The following SEC16A variants were observed in gnomAD, a reference collection of about 807,000 sequenced individuals.
SEC16A encodes the protein protein transport protein Sec16A.
A neutral mutation model predicts 221.9 loss-of-function variants in SEC16A; 110 were observed. The ratio of observed to expected loss-of-function variants is 0.50; its 90% CI spans 0.42 to 0.58. The LOEUF (loss-of-function observed/expected upper bound fraction) is 0.58, where lower values mean the gene tolerates loss of function less well. Ranked by LOEUF, SEC16A falls within the 20% of genes least tolerant of loss-of-function variation. The pLI is 0.00. For synonymous variants in SEC16A, 1,393 were observed against 1,257.7 expected, an observed-to-expected ratio of 1.11 and a Z score of -2.28; for missense variants, 3,165 against 3,097.8, an observed-to-expected ratio of 1.02 and a Z score of -0.52.
chr9:136,464,566 C>T lies in SEC16A; in HGVS notation c.4304-4G>A. 3.8e-6 allele frequency: 6 copies of T among 1,590,060 alleles called. No homozygotes were observed. The highest frequency in any genetic ancestry group is 5.2e-6 in the Non-Finnish European group (6 of 1,162,144). On this transcript the variant is annotated splice_polypyrimidine_tract_variant and splice_region_variant and intron_variant, in intron 8 of 31. Transcript: ENST00000684901. ...GGAGAAGTTGGTCTTGATGAAACTG[C>T]ATTTAAAATAAATTGAAAAAGAAAC...
At chr9:136,454,870 C>T (rs1244653055) in intron 20 of SEC16A, among the ~76,000 whole-genome samples, 3 of 152,196 alleles carry the variant, frequency 2.0e-5, no homozygotes, top group Non-Finnish European at 4.4e-5. Context: ...TGTCTGAGGA[C>T]GAAGCAGACT....
chr9:136,473,139 G>A (rs1194434316), intron 3 of SEC16A, among the ~76,000 whole-genome samples: 2 of 152,260 alleles, frequency 1.3e-5, no homozygotes, highest in Non-Finnish European at 2.9e-5. Context: ...ATTCCCCGGG[G>A]CAGTACCCAG....
intron 31 of SEC16A, among the ~76,000 whole-genome samples, chr9:136,442,421 G>C (rs1836318893): frequency 6.6e-6 from 1 of 152,254 alleles, no homozygotes. Flanking sequence ...AGGAGTGCTG[G>C]GCCCCAGCCC....
chr9:136,461,790 G>C (rs1211239890), intron 12 of SEC16A, among the ~76,000 whole-genome samples: 1 of 152,170 alleles, frequency 6.6e-6, no homozygotes, highest in African/African-American at 2.4e-5. Flanking sequence ...ACTTCAATCA[G>C]TTATAAAACA....
chr9:136,459,651 C>A lies in SEC16A; in HGVS notation c.5192-96G>T. 7.3e-7 allele frequency: 1 copy of A among 1,360,588 alleles called. No homozygotes were observed. Among genetic ancestry groups the A allele is most frequent in the Non-Finnish European group, 1.0e-6 (1 of 979,920 alleles). The allele number at this position is 1,360,588 out of a possible 1,614,324, so 84.3% of individuals were successfully genotyped here. A position where few individuals can be genotyped will look rare whatever the true frequency, so the allele number is the denominator to read the frequency against. On this transcript the variant is annotated intron_variant, in intron 15 of 31. Coordinates refer to ENST00000684901, the MANE Select transcript of SEC16A (RefSeq NM_014866.2). This position sits in a 1 kb window ranked among gnomAD's most constrained non-coding sequence, Gnocchi z 6.1. ...CACAGAAGGCACCAGAGACGCCAGCCGGACCGAGAAGGCCGGGTTCTGGTG... is the reference window on the plus strand; with the variant it reads ...CACAGAAGGCACCAGAGACGCCAGCAGGACCGAGAAGGCCGGGTTCTGGTG...
upstream of SEC16A, chr9:136,483,479 G>T: frequency 1.9e-6 from 1 of 518,908 alleles, no homozygotes. Context: ...CCGTGGCCCC[G>T]CCCCCCTCCG....
chr9:136,480,520 T>C (rs1380586792), intron 1 of SEC16A, among the ~76,000 whole-genome samples: 2 of 152,180 alleles, frequency 1.3e-5, no homozygotes, highest in Non-Finnish European at 2.9e-5. Flanking sequence ...TGTGATTATT[T>C]TTTCCTAAAA....
In SEC16A at chr9:136,466,484, A is replaced by G; in HGVS notation, c.3930-22T>C. 6.3e-7 allele frequency: 1 copy of G among 1,578,408 alleles called. No individual in the cohort carries two copies. Among genetic ancestry groups the G allele is most frequent in the Non-Finnish European group, 8.6e-7 (1 of 1,160,128 alleles). ...GGGCCTAGAGGAAGCCGGGGGACAG[A>G]GGCAGAGGAATGGGAGTGCCGGAGG... On this transcript the variant is annotated intron_variant, in intron 6 of 31. Transcript: ENST00000684901. The surrounding 1 kb of genome is among the most constrained non-coding windows in gnomAD (Gnocchi z 5.5).
At chr9:136,482,500 CA>C (rs1564555813) in intron 1 of SEC16A, among the ~76,000 whole-genome samples, 1 of 152,116 alleles carries the variant, frequency 6.6e-6, no homozygotes, top group Non-Finnish European at 1.5e-5. Flanking sequence ...CCTGATCGCC[CA>C]ATCAAGAAAT....
At chr9:136,457,989 C>T (rs1407504902) in intron 17 of SEC16A, among the ~76,000 whole-genome samples, 1 of 152,126 alleles carries the variant, frequency 6.6e-6, no homozygotes, top group Admixed American at 6.5e-5. Context: ...CAGGGTCTCA[C>T]TTTGTCACCC....
intron 22 of SEC16A, 30 bp downstream of exon 22, chr9:136,453,394 AAAAC>A (rs753149828): frequency 1.3e-5 from 20 of 1,550,036 alleles, no homozygotes; most frequent in East Asian, 2.3e-5. Context: ...AACTTTATGG[AAAAC>A]AAACAGTTTA....
upstream of SEC16A, chr9:136,483,116 C>T (rs1842628462): frequency 2.8e-6 from 2 of 715,636 alleles, no homozygotes; most frequent in Non-Finnish European, 3.4e-6. Context: ...CCCCTGGCCC[C>T]GCCCCTCGGC....
intron 1 of SEC16A, among the ~76,000 whole-genome samples, chr9:136,482,316 A>C (rs1327411907): frequency 6.6e-6 from 1 of 152,188 alleles, no homozygotes; most frequent in East Asian, 1.9e-4. Flanking sequence ...GTAAAACAAA[A>C]TCTTAATATA....
rs556957275 is a variant in SEC16A, at chr9:136,464,131, T to C, written c.4446+289A>G. Among the ~76,000 whole-genome samples, 17 of 139,248 alleles carry C rather than the reference T, an allele frequency of 1.2e-4. No individual in the cohort carries two copies. In the South Asian group the frequency reaches 4.2e-3, roughly 34 times the overall value. The allele number at this position is 139,248 out of a possible 152,430, so 91.4% of individuals were successfully genotyped here. A position where few individuals can be genotyped will look rare whatever the true frequency, so the allele number is the denominator to read the frequency against. ...CCGGGCCCACCCACTGCATCTATCATTGAAAAGCACCAATAAAGCAAACAT... is the reference window on the plus strand; with the variant it reads ...CCGGGCCCACCCACTGCATCTATCACTGAAAAGCACCAATAAAGCAAACAT... On this transcript the variant is annotated intron_variant, in intron 9 of 31. Transcript: ENST00000684901.
chr9:136,446,027 A>G (rs1836925073), intron 28 of SEC16A, among the ~76,000 whole-genome samples: 1 of 151,672 alleles, frequency 6.6e-6, no homozygotes, highest in South Asian at 2.1e-4. Context: ...TGACTGCCCC[A>G]TGCTTTACAC....
chr9:136,453,590 C>T (rs1196572179), intron 21 of SEC16A, 80 bp from the exon 22 acceptor site: 20 of 1,098,002 alleles, frequency 1.8e-5, no homozygotes, highest in African/African-American at 4.6e-5. Flanking sequence ...TCAACAGGCA[C>T]ACCACCTTCC....
chr9:136,441,603 T>C lies in SEC16A; in HGVS notation c.*152A>G, dbSNP rs931237883. On this transcript the variant is annotated 3_prime_UTR_variant, in exon 32 of 32. Transcript: ENST00000684901. Reference sequence around the variant, plus strand: ...TAATTTTCAAAATAATTCATTACGATGGGCGGTGAGGAGGGAGGCACAGTG... The same window carrying C: ...TAATTTTCAAAATAATTCATTACGACGGGCGGTGAGGAGGGAGGCACAGTG... 12 of 618,698 alleles carry C rather than the reference T, an allele frequency of 1.9e-5. No individual in the cohort carries two copies. In the African/African-American group the frequency reaches 2.0e-4, roughly 10 times the overall value. 38.3% of individuals were successfully genotyped at this position (618,698 alleles called of 1,614,324 possible).
At position 136,461,193 on chromosome 9, in the gene SEC16A, C is replaced by T. The variant is rs757046307; in HGVS notation, c.4975G>A (p.Ala1659Thr). ...LASKMDSRTH[A>T]RVMTRFANSL... The stretch of plus-strand genomic sequence containing the variant: ...GGACTGTACCTGGTCATGACTCGGG[C>T]GTGTGTCCGGCTGTCCATCTTACTT... Residue 1659 changes from alanine (A) to threonine (T), a missense_variant, in exon 13 of 32, where the codon GCC becomes ACC. Transcript: ENST00000684901. The T allele has an allele frequency of 1.1e-5, 18 of 1,606,046 alleles. No individual in the cohort carries two copies. Among genetic ancestry groups the T allele is most frequent in the Admixed American group, 1.0e-4 (6 of 58,956 alleles).
chr9:136,447,077 C>A lies in SEC16A; in HGVS notation c.6698-128G>T, dbSNP rs1837100236. 10 of 1,449,400 alleles carry A rather than the reference C, an allele frequency of 6.9e-6. No homozygotes were observed. The highest frequency in any genetic ancestry group is 1.4e-5 in the South Asian group (1 of 71,844). 89.8% of individuals were successfully genotyped at this position (1,449,400 alleles called of 1,614,324 possible). ...CACACTCATGCAGAAACAGGCAAAT[C>A]AAAAAAAAAACCACAAACCAACCCC... On this transcript the variant is annotated intron_variant, in intron 27 of 31. Transcript: ENST00000684901. The surrounding 1 kb of genome is among the most constrained non-coding windows in gnomAD (Gnocchi z 5.5).
Sources: allele counts gnomAD v4.1 joint callset (sites outside exome capture counted in the v4.1 genomes callset), GRCh38; gene constraint gnomAD v4.1.1; non-coding constraint Gnocchi (gnomAD v3.1); transcripts MANE v1.5; gene names NCBI Gene and HGNC (gene_info 2026-07-23, HGNC 2026-07-21).